Variants in CAPZA1 observed in about 807,000 individuals in gnomAD.
CAPZA1 encodes F-actin-capping protein subunit alpha-1.
In CAPZA1, 10 loss-of-function variants were observed where a neutral mutation model predicts 40.8. The observed-to-expected ratio is 0.25, with a 90% CI of 0.15 to 0.42. CAPZA1 has a LOEUF of 0.42. CAPZA1 is among the 10% of genes least tolerant of loss of function. The pLI is 1.00. For synonymous variants in CAPZA1, 98 were observed against 115.0 expected (o/e 0.85, Z 0.95); for missense variants, 277 against 353.8 (o/e 0.78, Z 1.74).
chr1:112,653,331 A>C (rs983200143), intron 3 of CAPZA1, among the ~76,000 whole-genome samples: 7 of 152,180 alleles, frequency 4.6e-5, no homozygotes, highest in African/African-American at 1.7e-4. Context: ...TCTAAGCAGA[A>C]GGTCTTTTGG....
rs780857687 is a variant in CAPZA1, at chr1:112,659,681, T to G, written c.507-20T>G. On this transcript the variant is annotated intron_variant, in intron 6 of 9. Transcript: ENST00000263168. ...TGTGCTTATTGCTAATTCTGCAATG[T>G]TGTGTGTGTGTTTTAATAGGAATGG... The G allele has an allele frequency of 3.7e-6, 6 of 1,600,914 alleles. No homozygotes were observed. In the Admixed American group the frequency reaches 1.0e-4, roughly 27 times the overall value.
At chr1:112,620,804 C>T (rs1670617807) in intron 1 of CAPZA1, 1 of 152,224 alleles carries the variant, frequency 6.6e-6, no homozygotes, top group Non-Finnish European at 1.5e-5. Context: ...AATAACTTTT[C>T]TTCTGACAGT....
At chr1:112,656,095 T>G (rs186069825) in intron 5 of CAPZA1, among the ~76,000 whole-genome samples, 3 of 152,352 alleles carry the variant, frequency 2.0e-5, no homozygotes, top group Admixed American at 2.0e-4. Flanking sequence ...TTTTTTGTTG[T>G]GGGAAAATCA....
chr1:112,660,838 CTTTTT>C (rs67876993), intron 7 of CAPZA1, among the ~76,000 whole-genome samples: 1 of 66,012 alleles, frequency 1.5e-5, no homozygotes. Flanking sequence ...CAAGAGTTGT[CTTTTT>C]TTTTTTTTTT....
chr1:112,664,253 A>G (rs546228636), intron 7 of CAPZA1, among the ~76,000 whole-genome samples: 1 of 150,482 alleles, frequency 6.6e-6, no homozygotes, highest in South Asian at 2.1e-4. Context: ...AAAAAAAGAT[A>G]CTTATTTTTG....
intron 1 of CAPZA1, among the ~76,000 whole-genome samples, chr1:112,642,854 TTTA>T (rs1311847966): frequency 6.6e-6 from 1 of 152,208 alleles, no homozygotes; most frequent in East Asian, 1.9e-4. Flanking sequence ...GTTTGGTAAT[TTTA>T]TTATACATTC....
intron 5 of CAPZA1, among the ~76,000 whole-genome samples, chr1:112,657,147 G>A (rs1272384264): frequency 6.6e-6 from 1 of 151,896 alleles, no homozygotes; most frequent in East Asian, 1.9e-4. Context: ...TAATCCGTTC[G>A]CCTCAGCTTC....
At chr1:112,660,571 C>T (rs1478847273) in intron 7 of CAPZA1, among the ~76,000 whole-genome samples, 1 of 152,166 alleles carries the variant, frequency 6.6e-6, no homozygotes, top group African/African-American at 2.4e-5. Context: ...TGAGCCACTG[C>T]ACCTGGCCCA....
chr1:112,641,474 CA>C (rs1671161057), intron 1 of CAPZA1, among the ~76,000 whole-genome samples: 1 of 152,062 alleles, frequency 6.6e-6, no homozygotes, highest in Non-Finnish European at 1.5e-5. Flanking sequence ...CATATATAAA[CA>C]GCATATTATA....
rs185470302 is a variant in CAPZA1 at position 112,670,272 on chromosome 1, C to A, written c.*140C>A. The A allele has an allele frequency of 1.1e-3, 955 of 836,174 alleles. 1 individual carries two copies. Among genetic ancestry groups the A allele is most frequent in the South Asian group, 1.5e-3 (84 of 56,832 alleles). The allele number at this position is 836,174 out of a possible 1,614,324, so 51.8% of individuals were successfully genotyped here. Reference sequence around the variant, plus strand: ...ACCGGTTTTCTAGCCTCATGGAATACTGTTGAACCTATAGCGTTGTCTTGA... The same window carrying A: ...ACCGGTTTTCTAGCCTCATGGAATAATGTTGAACCTATAGCGTTGTCTTGA... On this transcript the variant is annotated 3_prime_UTR_variant, in exon 10 of 10. Coordinates refer to ENST00000263168, the MANE Select transcript of CAPZA1 (RefSeq NM_006135.3).
chr1:112,667,374 C>T (rs113682953), intron 8 of CAPZA1, among the ~76,000 whole-genome samples: 7 of 152,292 alleles, frequency 4.6e-5, no homozygotes, highest in African/African-American at 1.4e-4. Flanking sequence ...CTTAGTCGCT[C>T]TCTCAATTGT....
rs1016211208 is a variant in CAPZA1, at chr1:112,659,384, C to G, written c.506+283C>G. 3.4e-5 allele frequency: 18 copies of G among 527,404 alleles called. No individual in the cohort carries two copies. The African/African-American group carries it at 3.4e-4, about 10-fold the overall frequency. 32.7% of individuals were successfully genotyped at this position (527,404 alleles called of 1,614,324 possible). The stretch of plus-strand genomic sequence containing the variant: ...ACTGCTACTTGAGTTAATTGTGTAA[C>G]TCAGCAGCCTATTCATCTGATTTTG... On this transcript the variant is annotated intron_variant, in intron 6 of 9. Coordinates refer to ENST00000263168, the MANE Select transcript of CAPZA1 (RefSeq NM_006135.3).
At chr1:112,657,647 A>G (rs559835110) in intron 5 of CAPZA1, among the ~76,000 whole-genome samples, 2 of 152,002 alleles carry the variant, frequency 1.3e-5, no homozygotes, top group Admixed American at 6.5e-5. Flanking sequence ...GCTGGCGTAC[A>G]GTGGCATGAT....
rs760135290 is a variant in CAPZA1 at position 112,670,134 on chromosome 1, G to A, written c.*2G>A. On this transcript the variant is annotated 3_prime_UTR_variant, in exon 10 of 10. Transcript: ENST00000263168. ...GGCAAAGAAATGCAGAATGCTTAAA[G>A]GCTGAATGTAGGATTCTTCAGTATG... The A allele has an allele frequency of 1.2e-6, 2 of 1,613,906 alleles. No homozygotes were observed. Among genetic ancestry groups the A allele is most frequent in the South Asian group, 2.2e-5 (2 of 91,078 alleles).
chr1:112,637,406 G>T (rs1286167501), intron 1 of CAPZA1, among the ~76,000 whole-genome samples: 1 of 152,222 alleles, frequency 6.6e-6, no homozygotes, highest in African/African-American at 2.4e-5. Flanking sequence ...ACAAACTATG[G>T]CCAGTGGGCC....
intron 1 of CAPZA1, among the ~76,000 whole-genome samples, chr1:112,629,057 G>T (rs1413643616): frequency 1.3e-5 from 2 of 152,144 alleles, no homozygotes; most frequent in Non-Finnish European, 2.9e-5. Flanking sequence ...TTAAAATGTA[G>T]GTCAGTACAT....
At chr1:112,632,950 T>G (rs1268818444) in intron 1 of CAPZA1, among the ~76,000 whole-genome samples, 1 of 152,254 alleles carries the variant, frequency 6.6e-6, no homozygotes, top group East Asian at 1.9e-4. Context: ...CTTTATGCTT[T>G]CAAGTCTTAT....
intron 1 of CAPZA1, among the ~76,000 whole-genome samples, chr1:112,639,974 C>T (rs1671108069): frequency 7.9e-5 from 10 of 127,062 alleles, no homozygotes; most frequent in Non-Finnish European, 1.6e-4. Context: ...GGGGGGTCAG[C>T]CCCCCGCCCG....
rs34860716 is a variant in CAPZA1 at position 112,624,605 on chromosome 1, CAAAAAAAAAAAAAA to C, written c.39+4735_39+4748del. 2.6e-3 allele frequency among the ~76,000 whole-genome samples: 146 copies of C among 55,846 alleles called. 7 individuals carry two copies. The South Asian group carries it at 0.11, about 40-fold the overall frequency. The allele number at this position is 55,846 out of a possible 152,430, so 36.6% of individuals were successfully genotyped here. On this transcript the variant is annotated intron_variant, in intron 1 of 9. Coordinates refer to ENST00000263168, the MANE Select transcript of CAPZA1 (RefSeq NM_006135.3). ...CCTGGGCAACAGAGCAAAACTCCAT[CAAAAAAAAAAAAAA>C]AAAAAAAAAAAAGAGGTATTATGAT...
Sources: gnomAD v4.1 joint callset for allele counts (sites outside exome capture counted in the v4.1 genomes callset) on GRCh38, gnomAD v4.1.1 for gene constraint, MANE v1.5 for transcripts, NCBI Gene and HGNC (gene_info 2026-07-23, HGNC 2026-07-21) for gene names.